The following DPPA3 variants were observed in gnomAD, a reference collection of about 807,000 sequenced individuals.
The protein encoded by DPPA3 is developmental pluripotency-associated protein 3.
DPPA3 carries 9 observed loss-of-function variants against 15.6 expected under a neutral mutation model. The observed-to-expected ratio is 0.58, with a 90% CI of 0.35 to 1.01. The LOEUF (loss-of-function observed/expected upper bound fraction) is 1.01. DPPA3 is among the 50% of genes least tolerant of loss of function. The pLI, the probability that DPPA3 is intolerant of heterozygous loss-of-function variation, is 0.02. For synonymous variants in DPPA3, 61 were observed against 70.9 expected (o/e 0.86, Z 0.70); for missense variants, 148 against 194.6 (o/e 0.76, Z 1.42).
At chr12:7,714,663 C>T (rs1033371518) in intron 1 of DPPA3, among the ~76,000 whole-genome samples, 2 of 11,702 alleles carry the variant, frequency 1.7e-4, no homozygotes, top group Non-Finnish European at 3.8e-4. Flanking sequence ...TACAGGCATG[C>T]ACCACCACCA....
At position 7,716,181 on chromosome 12, in the gene DPPA3, A is replaced by ATT. The variant is rs34619457; in HGVS notation, c.328-11_328-10dup. On this transcript the variant is annotated splice_polypyrimidine_tract_variant and intron_variant, in intron 2 of 3. Coordinates refer to ENST00000345088, the MANE Select transcript of DPPA3 (RefSeq NM_199286.4). ...TTTCTTGATAGTTTTCAATAAACAT[A>ATT]TTTTTTTCCCATGAAGCATGAAAGA... is the stretch of plus-strand genomic sequence containing the variant. The ATT allele has an allele frequency of 0.3, 469,882 of 1,574,666 alleles. 72,398 individuals carry two copies. The highest frequency in any genetic ancestry group is 0.32 in the Non-Finnish European group (366,702 of 1,150,334).
chr12:7,713,207 A>G (rs999075), intron 1 of DPPA3, among the ~76,000 whole-genome samples: 41,906 of 152,076 alleles, frequency 0.28, 6,134 homozygotes, highest in Non-Finnish European at 0.32. Context: ...TGGAGCCAAC[A>G]CCTTCGACTG....
chr12:7,715,315 G>A lies in DPPA3; in HGVS notation c.215G>A (p.Arg72Lys), dbSNP rs370250392. ...GAGTCTGTAGGAGCAGCAGTCCTCA[G>A]GGAAATCGAAGATGAGTGGCTTTAC... The part of the protein sequence containing the change: ...RRESVGAAVL[R>K]EIEDEWLYSR... Residue 72 changes from arginine to lysine, a missense_variant, in exon 2 of 4, where the codon AGG becomes AAG. By Grantham distance (26) the Arg-to-Lys change is conservative. Coordinates refer to ENST00000345088, the MANE Select transcript of DPPA3 (RefSeq NM_199286.4). The A allele has an allele frequency of 6.2e-7, 1 of 1,614,082 alleles. No homozygotes were observed. Among genetic ancestry groups the A allele is most frequent in the African/African-American group, 1.3e-5 (1 of 75,044 alleles).
Position 7,715,554 on chromosome 12 carries a change from G to C in DPPA3, c.327+127G>C, listed in dbSNP as rs746135671. ...CTGAGGCCTGTAATCTGAGCACTTC[G>C]GGAGGCTGAGGCAGGTGGATCACCT... On this transcript the variant is annotated intron_variant, in intron 2 of 3. Transcript: ENST00000345088. The C allele has an allele frequency of 2.0e-5, 29 of 1,414,810 alleles. No individual in the cohort carries two copies. In the Middle Eastern group the frequency reaches 5.5e-4, roughly 27 times the overall value. The allele number at this position is 1,414,810 out of a possible 1,614,324, so 87.6% of individuals were successfully genotyped here.
At position 7,711,448 on chromosome 12, in the gene DPPA3, A is replaced by C. The variant is rs923271006; in HGVS notation, c.-123A>C. On this transcript the variant is annotated 5_prime_UTR_variant, in exon 1 of 4. Coordinates refer to ENST00000345088, the MANE Select transcript of DPPA3 (RefSeq NM_199286.4). ...TATAGTTTACGTCAGTTCTTTGACCATTCGTTGGAGCTCCGGTTTTCAGCC... is the reference window on the plus strand; with the variant it reads ...TATAGTTTACGTCAGTTCTTTGACCCTTCGTTGGAGCTCCGGTTTTCAGCC... 56 of 755,434 alleles carry C rather than the reference A, an allele frequency of 7.4e-5. 1 individual carries two copies. Among genetic ancestry groups the C allele is most frequent in the Middle Eastern group, 4.9e-4 (2 of 4,082 alleles). The allele number at this position is 755,434 out of a possible 1,614,324, so 46.8% of individuals were successfully genotyped here.
chr12:7,716,054 G>A, intron 2 of DPPA3, 144 bp from the exon 3 acceptor site: 1 of 709,550 alleles, frequency 1.4e-6, no homozygotes, highest in Non-Finnish European at 2.3e-6. Flanking sequence ...AGTGAGCCAT[G>A]ATTGCTCCAC....
Position 7,711,553 on chromosome 12 carries a change from T to A in DPPA3, c.-18T>A, listed in dbSNP as rs1456886891. The A allele has an allele frequency of 6.2e-7, 1 of 1,611,458 alleles. No homozygotes were observed. On this transcript the variant is annotated 5_prime_UTR_variant, in exon 1 of 4. Coordinates refer to ENST00000345088, the MANE Select transcript of DPPA3 (RefSeq NM_199286.4). The stretch of plus-strand genomic sequence containing the variant: ...TTTCAAAGATCCTGGAGAAGCCTAG[T>A]GTTGTGTCAAGACGCCGATGGACCC...
chr12:7,711,552 GTGT>G lies in DPPA3; in HGVS notation c.-15_-13del. The G allele has an allele frequency of 6.2e-7, 1 of 1,611,302 alleles. No individual in the cohort carries two copies. Among genetic ancestry groups the G allele is most frequent in the South Asian group, 1.1e-5 (1 of 90,692 alleles). On this transcript the variant is annotated 5_prime_UTR_variant, in exon 1 of 4. Coordinates refer to ENST00000345088, the MANE Select transcript of DPPA3 (RefSeq NM_199286.4). ...GTTTCAAAGATCCTGGAGAAGCCTA[GTGT>G]TGTGTCAAGACGCCGATGGACCCAT... is the stretch of plus-strand genomic sequence containing the variant.
chr12:7,716,282 GGC>G, intron 3 of DPPA3, 43 bp downstream of exon 3: 1 of 468,562 alleles, frequency 2.1e-6, no homozygotes, highest in South Asian at 3.4e-5. Flanking sequence ...TTTTTTTTTT[GGC>G]TATATATGTG....
chr12:7,711,481 G>A lies in DPPA3; in HGVS notation c.-90G>A, dbSNP rs1300378463. ...GAGCTCCGGTTTTCAGCCTCTTTCC[G>A]GGCTACCTGGTAGCAATTTGAGGCT... On this transcript the variant is annotated 5_prime_UTR_variant, in exon 1 of 4. Transcript: ENST00000345088. 4.9e-6 allele frequency: 6 copies of A among 1,234,652 alleles called. No homozygotes were observed. The highest frequency in any genetic ancestry group is 3.1e-5 in the African/African-American group (2 of 63,912). 76.5% of individuals were successfully genotyped at this position (1,234,652 alleles called of 1,614,324 possible). A position where few individuals can be genotyped will look rare whatever the true frequency, so the allele number is the denominator to read the frequency against.
At chr12:7,712,158 G>C (rs1165105186) in intron 1 of DPPA3, among the ~76,000 whole-genome samples, 4 of 146,976 alleles carry the variant, frequency 2.7e-5, no homozygotes, top group Non-Finnish European at 6.0e-5. Flanking sequence ...CTCGTGATCC[G>C]CCCGCCTCGG....
At chr12:7,714,815 C>G (rs1028949254) in intron 1 of DPPA3, among the ~76,000 whole-genome samples, 4 of 152,062 alleles carry the variant, frequency 2.6e-5, no homozygotes, top group Admixed American at 1.3e-4. Context: ...TGGGTTCACA[C>G]CATTCTCCTG....
chr12:7,712,286 G>C (rs568882821), intron 1 of DPPA3, among the ~76,000 whole-genome samples: 23 of 151,074 alleles, frequency 1.5e-4, no homozygotes, highest in Non-Finnish European at 3.2e-4. Flanking sequence ...TCGTAGCGTC[G>C]TTGCATCAGT....
intron 1 of DPPA3, among the ~76,000 whole-genome samples, chr12:7,714,315 A>C (rs905460657): frequency 4.6e-5 from 7 of 152,168 alleles, no homozygotes; most frequent in African/African-American, 1.4e-4. Flanking sequence ...GGACATCCCC[A>C]AAATCTGTAA....
chr12:7,715,115 G>A, intron 1 of DPPA3, 68 bp from the exon 2 acceptor site: 2 of 1,606,676 alleles, frequency 1.2e-6, no homozygotes, highest in Non-Finnish European at 1.7e-6. Context: ...CTGCTTAAGG[G>A]CAGACCTAGT....
chr12:7,715,556 G>A lies in DPPA3; in HGVS notation c.327+129G>A, dbSNP rs181504381. On this transcript the variant is annotated intron_variant, in intron 2 of 3. Transcript: ENST00000345088. ...GAGGCCTGTAATCTGAGCACTTCGG[G>A]AGGCTGAGGCAGGTGGATCACCTGA... 39 of 1,410,848 alleles carry A rather than the reference G, an allele frequency of 2.8e-5. No homozygotes were observed. The East Asian group carries it at 5.6e-4, about 20-fold the overall frequency. The allele number at this position is 1,410,848 out of a possible 1,614,324, so 87.4% of individuals were successfully genotyped here. A position where few individuals can be genotyped will look rare whatever the true frequency, so the allele number is the denominator to read the frequency against.
At chr12:7,716,152 T>C (rs1284458819) in intron 2 of DPPA3, 46 bp from the exon 3 acceptor site, 1 of 1,470,322 alleles carries the variant, frequency 6.8e-7, no homozygotes, top group Non-Finnish European at 9.3e-7. Flanking sequence ...ATATTAGTAA[T>C]CTTTTTCTTG....
In DPPA3 at chr12:7,715,384, A is replaced by C; in HGVS notation, c.284A>C (p.Lys95Thr). ...VRTLLSVQRE[K>T]MARLRYMLLG... ...ACATTGCTGTCTGTGCAGAGAGAAA[A>C]GATGGCAAGATTGAGATACATGTTA... Residue 95 changes from lysine to threonine, a missense_variant, in exon 2 of 4, where the codon AAG becomes ACG. Lys to Thr is a moderately conservative substitution (Grantham distance 78, BLOSUM62 -1). Transcript: ENST00000345088. The C allele has an allele frequency of 6.2e-7, 1 of 1,614,182 alleles. No individual in the cohort carries two copies. Among genetic ancestry groups the C allele is most frequent in the South Asian group, 1.1e-5 (1 of 91,084 alleles).
intron 1 of DPPA3, 83 bp from the exon 2 acceptor site, chr12:7,715,100 T>C: frequency 6.3e-7 from 1 of 1,590,724 alleles, no homozygotes. Context: ...CAGCGCCCTG[T>C]TCCCCTGCTT....
Sources: gnomAD v4.1 joint callset for allele counts (sites outside exome capture counted in the v4.1 genomes callset) on GRCh38, gnomAD v4.1.1 for gene constraint, MANE v1.5 for transcripts, NCBI Gene and HGNC (gene_info 2026-07-23, HGNC 2026-07-21) for gene names.